NEDD4: variants seen among roughly 807,000 people sequenced by gnomAD.
The protein encoded by NEDD4 is E3 ubiquitin-protein ligase NEDD4.
Under a neutral mutation model 144.9 loss-of-function variants are expected in NEDD4, and 99 were observed. That is an observed-to-expected ratio of 0.68 (90% CI 0.58 to 0.81). NEDD4 has a LOEUF of 0.81. Among genes scored for constraint, NEDD4 ranks in the 30% least tolerant of loss-of-function variants. The probability of loss-of-function intolerance (pLI) is 0.00; values close to 1 mark genes in which losing one functional copy is unlikely to be tolerated. For synonymous variants in NEDD4, 318 were observed against 350.6 expected, an observed-to-expected ratio of 0.91 and a Z score of 1.04; for missense variants, 985 against 1,065.9, an observed-to-expected ratio of 0.92 and a Z score of 1.06.
intron 8 of NEDD4, among the ~76,000 whole-genome samples, chr15:55,867,035 G>C (rs2034609473): frequency 6.6e-6 from 1 of 152,106 alleles, no homozygotes; most frequent in Non-Finnish European, 1.5e-5. Context: ...TGTTAATTTT[G>C]TAAAATACAT....
At position 55,834,851 on chromosome 15, in the gene NEDD4, A is replaced by C. The variant is rs547543316; in HGVS notation, c.2263-565T>G. 7.2e-5 allele frequency among the ~76,000 whole-genome samples: 11 copies of C among 152,194 alleles called. No homozygotes were observed. The South Asian group carries it at 2.3e-3, about 32-fold the overall frequency. ...TGAGGGAAAAGAGGCAATTATGCAC[A>C]ATGGAACTCCCTCAAGCTTCTCCAT... On this transcript the variant is annotated intron_variant, in intron 24 of 28. Coordinates refer to ENST00000435532, the MANE Select transcript of NEDD4 (RefSeq NM_006154.4).
intron 1 of NEDD4, among the ~76,000 whole-genome samples, chr15:55,978,381 T>C (rs1200767444): frequency 6.6e-6 from 1 of 152,250 alleles, no homozygotes; most frequent in African/African-American, 2.4e-5. Context: ...TTTGCATTGG[T>C]TTTAACTTCA....
chr15:55,885,092 C>T (rs1215271221), intron 5 of NEDD4, among the ~76,000 whole-genome samples: 1 of 152,164 alleles, frequency 6.6e-6, no homozygotes, highest in Non-Finnish European at 1.5e-5. Context: ...TCCAGTACAT[C>T]AGGAAGCAGA....
rs146053378 is a variant in NEDD4, at chr15:55,947,651, C to T, written c.237+3725G>A. On this transcript the variant is annotated intron_variant, in intron 4 of 28. Transcript: ENST00000435532. ...TGGGATGCAAGGCTGGTTCAACATA[C>T]GCAATCAATAAACGTAATCCAGCAT... Among the ~76,000 whole-genome samples the T allele has an allele frequency of 1.1e-3, 174 of 152,224 alleles. 2 individuals carry two copies. Among genetic ancestry groups the T allele is most frequent in the African/African-American group, 3.3e-3 (136 of 41,546 alleles).
intron 17 of NEDD4, 141 bp downstream of exon 17, chr15:55,848,231 G>C: frequency 2.6e-6 from 2 of 769,414 alleles, no homozygotes; most frequent in Non-Finnish European, 4.5e-6. Flanking sequence ...CTGAGACTTG[G>C]AGTATGGGAA....
At chr15:55,980,283 C>T (rs557851479) in intron 1 of NEDD4, among the ~76,000 whole-genome samples, 1 of 152,232 alleles carries the variant, frequency 6.6e-6, no homozygotes, top group South Asian at 2.1e-4. Context: ...GAATACTTGG[C>T]GCACAGTAGG....
At chr15:55,866,066 A>G (rs2034575725) in intron 8 of NEDD4, among the ~76,000 whole-genome samples, 1 of 151,670 alleles carries the variant, frequency 6.6e-6, no homozygotes, top group Non-Finnish European at 1.5e-5. Flanking sequence ...GGTGTGTACT[A>G]CCATCCCAAG....
intron 2 of NEDD4, among the ~76,000 whole-genome samples, chr15:55,954,931 G>T (rs2037310865): frequency 6.7e-6 from 1 of 149,786 alleles, no homozygotes; most frequent in Non-Finnish European, 1.5e-5. Context: ...TTGTTTAATT[G>T]TTTCTCTTGT....
intron 8 of NEDD4, among the ~76,000 whole-genome samples, chr15:55,865,715 G>C (rs76590316): frequency 0.019 from 2,962 of 152,142 alleles, 97 homozygotes; most frequent in African/African-American, 0.067. Context: ...AGATGGAAGA[G>C]AATTCTTCCA....
rs570748410 is a variant in NEDD4, at chr15:55,849,445, G to A, written c.1348-559C>T. Among the ~76,000 whole-genome samples, 15 of 152,020 alleles carry A rather than the reference G, an allele frequency of 9.9e-5. No individual in the cohort carries two copies. In the East Asian group the frequency reaches 2.1e-3, roughly 22 times the overall value. On this transcript the variant is annotated intron_variant, in intron 14 of 28. Transcript: ENST00000435532. The stretch of plus-strand genomic sequence containing the variant: ...TCTCCATGTTGGCCAGGCTAGTCTC[G>A]AACTCCTGACCTCAGGTGATCCACC...
chr15:55,960,019 T>G (rs1021801113), intron 2 of NEDD4, among the ~76,000 whole-genome samples: 2 of 152,136 alleles, frequency 1.3e-5, no homozygotes, highest in African/African-American at 4.8e-5. Context: ...TCCTCTCAGC[T>G]CCTCAATGTG....
At chr15:55,926,067 C>CA (rs1445187910) in intron 4 of NEDD4, among the ~76,000 whole-genome samples, 2 of 151,260 alleles carry the variant, frequency 1.3e-5, no homozygotes, top group Non-Finnish European at 2.9e-5. Flanking sequence ...AATACATATA[C>CA]GTATGTAAAA....
At chr15:55,839,888 T>A (rs545800748) in intron 21 of NEDD4, among the ~76,000 whole-genome samples, 1 of 144,848 alleles carries the variant, frequency 6.9e-6, no homozygotes, top group African/African-American at 2.6e-5. Context: ...AGGCAGAGAA[T>A]TGCTTGAACT....
chr15:55,870,053 C>G (rs1421242484), intron 7 of NEDD4, among the ~76,000 whole-genome samples: 1 of 151,856 alleles, frequency 6.6e-6, no homozygotes, highest in Non-Finnish European at 1.5e-5. Flanking sequence ...GGGCAAGATC[C>G]AGGAAACAGA....
intron 9 of NEDD4, among the ~76,000 whole-genome samples, chr15:55,862,274 G>A (rs1304490073): frequency 6.6e-6 from 1 of 152,008 alleles, no homozygotes; most frequent in Non-Finnish European, 1.5e-5. Flanking sequence ...AAGACTAAAG[G>A]AAGACTTTAT....
chr15:55,898,612 T>C (rs2035810174), intron 5 of NEDD4, among the ~76,000 whole-genome samples: 1 of 151,880 alleles, frequency 6.6e-6, no homozygotes, highest in South Asian at 2.1e-4. Flanking sequence ...TTCTGCTCTT[T>C]TGTATTTCAC....
intron 5 of NEDD4, among the ~76,000 whole-genome samples, chr15:55,890,895 T>C (rs1595804437): frequency 6.6e-6 from 1 of 152,312 alleles, no homozygotes; most frequent in East Asian, 1.9e-4. Context: ...GCCAATGAGA[T>C]TGAGCATCTT....
At chr15:55,980,212 C>A (rs1445144832) in intron 1 of NEDD4, among the ~76,000 whole-genome samples, 3 of 152,190 alleles carry the variant, frequency 2.0e-5, no homozygotes, top group Non-Finnish European at 4.4e-5. Context: ...GGATTTCAGG[C>A]GTGAGCCACT....
rs144700139 is a variant in NEDD4 at position 55,928,011 on chromosome 15, T to C, written c.238-3312A>G. On this transcript the variant is annotated intron_variant, in intron 4 of 28. Transcript: ENST00000435532. ...ATTAATAGCTTATAACAGGATTCAC[T>C]ACCTCAACTATCTTTTTTTTTCCCT... Among the ~76,000 whole-genome samples the C allele has an allele frequency of 2.9e-3, 447 of 152,268 alleles. 3 individuals are homozygous for C. The highest frequency in any genetic ancestry group is 0.01 in the African/African-American group (423 of 41,556).
Sources: gnomAD v4.1 joint callset for allele counts (sites outside exome capture counted in the v4.1 genomes callset) on GRCh38, gnomAD v4.1.1 for gene constraint, MANE v1.5 for transcripts, NCBI Gene and HGNC (gene_info 2026-07-23, HGNC 2026-07-21) for gene names.